The following ZDHHC21 variants were observed in gnomAD, a reference collection of about 807,000 sequenced individuals.
ZDHHC21 encodes palmitoyltransferase ZDHHC21.
A neutral mutation model predicts 34.6 loss-of-function variants in ZDHHC21; 15 were observed. The observed-to-expected ratio is 0.43, with a 90% confidence interval of 0.29 to 0.67. ZDHHC21 has a LOEUF of 0.67. Among genes scored for constraint, ZDHHC21 ranks in the 30% least tolerant of loss-of-function variants. The probability of loss-of-function intolerance (pLI) is 0.14; values close to 1 mark genes in which losing one functional copy is unlikely to be tolerated. For missense variants in ZDHHC21, 344 were observed against 327.7 expected, an observed-to-expected ratio of 1.05 and a Z score of -0.38; for synonymous variants, 142 against 101.8, an observed-to-expected ratio of 1.40 and a Z score of -2.38.
chr9:14,691,986 G>C (rs1340312701), intron 1 of ZDHHC21, among the ~76,000 whole-genome samples: 1 of 152,128 alleles, frequency 6.6e-6, no homozygotes, highest in Non-Finnish European at 1.5e-5. Flanking sequence ...TGCCCTACCT[G>C]TAAACCCACA....
the ZDHHC21 span, among the ~76,000 whole-genome samples, chr9:14,602,445 T>C: frequency 6.6e-6 from 1 of 151,740 alleles, no homozygotes; most frequent in Non-Finnish European, 1.5e-5. Flanking sequence ...ACTTCCCAAG[T>C]CTTGCCAGAG....
intron 1 of ZDHHC21, among the ~76,000 whole-genome samples, chr9:14,691,200 C>G (rs1263324236): frequency 1.3e-5 from 2 of 152,118 alleles, no homozygotes; most frequent in Non-Finnish European, 2.9e-5. Context: ...CTTTACTAAA[C>G]CACTATATAA....
intron 4 of ZDHHC21, 75 bp from the exon 5 acceptor site, chr9:14,673,003 T>C (rs1835757105): frequency 2.1e-6 from 2 of 945,478 alleles, no homozygotes; most frequent in Admixed American, 5.7e-5. Flanking sequence ...ATTTAAAGTT[T>C]AAAATGTATA....
intron 2 of ZDHHC21, among the ~76,000 whole-genome samples, chr9:14,683,018 T>C (rs575474311): frequency 1.3e-5 from 2 of 152,318 alleles, no homozygotes; most frequent in East Asian, 1.9e-4. Flanking sequence ...CCAGAATCTC[T>C]GGGACACATT....
chr9:14,596,282 T>C, the ZDHHC21 span, among the ~76,000 whole-genome samples: 3 of 152,312 alleles, frequency 2.0e-5, no homozygotes, highest in Non-Finnish European at 4.4e-5. Flanking sequence ...TTTCACCTCA[T>C]CCTTCAGTAG....
At chr9:14,672,731 G>C (rs973285335) in intron 5 of ZDHHC21, 99 bp downstream of exon 5, 2 of 771,078 alleles carry the variant, frequency 2.6e-6, no homozygotes, top group Non-Finnish European at 4.1e-6. Flanking sequence ...AGTGGTGTTA[G>C]ATGACATTTA....
At chr9:14,679,941 G>C (rs1286352558) in intron 3 of ZDHHC21, 92 bp downstream of exon 3, 1 of 152,402 alleles carries the variant, frequency 6.6e-6, no homozygotes, top group African/African-American at 2.4e-5. Flanking sequence ...TTTGCTAACT[G>C]ACAATTAAGT....
intron 2 of ZDHHC21, among the ~76,000 whole-genome samples, chr9:14,687,040 G>GA (rs1339297542): frequency 6.7e-6 from 1 of 149,914 alleles, no homozygotes; most frequent in African/African-American, 2.5e-5. Flanking sequence ...AATTATTTCA[G>GA]AAAAAAATTC....
At chr9:14,633,751 A>C (rs1564237077) in intron 8 of ZDHHC21, among the ~76,000 whole-genome samples, 1 of 151,746 alleles carries the variant, frequency 6.6e-6, no homozygotes, top group Non-Finnish European at 1.5e-5. Flanking sequence ...CCAATGTCAA[A>C]CCCCCACCCA....
chr9:14,590,044 C>T, the ZDHHC21 span: 11 of 151,952 alleles, frequency 7.2e-5, no homozygotes, highest in Admixed American at 2.0e-4. Context: ...GCTGTTATAA[C>T]CATGTTTAAG....
At chr9:14,642,393 C>G (rs1829522645) in intron 7 of ZDHHC21, among the ~76,000 whole-genome samples, 3 of 151,886 alleles carry the variant, frequency 2.0e-5, no homozygotes, top group Admixed American at 6.6e-5. Flanking sequence ...AATTTTTATC[C>G]AAATCACAGG....
At position 14,618,128 on chromosome 9, in the gene ZDHHC21, T is replaced by G. The variant is rs1824600834; in HGVS notation, c.*838A>C. 3 of 152,528 alleles carry G rather than the reference T, an allele frequency of 2.0e-5. No homozygotes were observed. Among genetic ancestry groups the G allele is most frequent in the African/African-American group, 7.2e-5 (3 of 41,442 alleles). 9.4% of individuals were successfully genotyped at this position (152,528 alleles called of 1,614,324 possible). On this transcript the variant is annotated 3_prime_UTR_variant, in exon 10 of 10. Transcript: ENST00000380916. ...ATAACTGCACTAGAAAAGGTAATTG[T>G]GAAGTTATTGCAAATTCTCTCCCCT...
chr9:14,689,423 G>A (rs534896261), intron 2 of ZDHHC21, among the ~76,000 whole-genome samples: 18 of 152,344 alleles, frequency 1.2e-4, no homozygotes, highest in South Asian at 1.0e-3. Flanking sequence ...TTGTAAAAAC[G>A]TGGGTGGACA....
chr9:14,678,825 T>G (rs763223547), intron 3 of ZDHHC21, among the ~76,000 whole-genome samples: 1 of 152,074 alleles, frequency 6.6e-6, no homozygotes, highest in African/African-American at 2.4e-5. Context: ...TGTAGACTAT[T>G]TCCAAGCTAT....
At chr9:14,654,989 G>T (rs1808956279) in intron 7 of ZDHHC21, among the ~76,000 whole-genome samples, 1 of 151,852 alleles carries the variant, frequency 6.6e-6, no homozygotes, top group Non-Finnish European at 1.5e-5. Context: ...AATGACATCA[G>T]GCCACAGATT....
At chr9:14,600,685 A>G in the ZDHHC21 span, among the ~76,000 whole-genome samples, 1 of 152,232 alleles carries the variant, frequency 6.6e-6, no homozygotes, top group Non-Finnish European at 1.5e-5. Flanking sequence ...AAGAGCTGGT[A>G]TAGTCAAGAG....
chr9:14,643,266 AAAG>A (rs1380882093), intron 7 of ZDHHC21, among the ~76,000 whole-genome samples: 2 of 152,056 alleles, frequency 1.3e-5, no homozygotes, highest in Admixed American at 6.5e-5. Flanking sequence ...ATATATATAT[AAAG>A]AAGAAGAAGA....
At chr9:14,600,941 T>A in the ZDHHC21 span, among the ~76,000 whole-genome samples, 2 of 152,188 alleles carry the variant, frequency 1.3e-5, no homozygotes, top group African/African-American at 4.8e-5. Context: ...GAAAACTGCA[T>A]GGCCATATGC....
chr9:14,637,389 A>G (rs1004970862), intron 8 of ZDHHC21, among the ~76,000 whole-genome samples: 1 of 152,056 alleles, frequency 6.6e-6, no homozygotes, highest in Non-Finnish European at 1.5e-5. Flanking sequence ...AAGTGACAAT[A>G]TCAAAGTAGT....
Sources: allele counts gnomAD v4.1 joint callset (sites outside exome capture counted in the v4.1 genomes callset), GRCh38; gene constraint gnomAD v4.1.1; transcripts MANE v1.5; gene names NCBI Gene and HGNC (gene_info 2026-07-23, HGNC 2026-07-21).